NSDHL: variants seen among roughly 807,000 people sequenced by gnomAD.
NSDHL encodes sterol-4-alpha-carboxylate 3-dehydrogenase, decarboxylating.
A neutral mutation model predicts 23.0 loss-of-function variants in NSDHL; 1 was observed. That is an observed-to-expected ratio of 0.04 (90% CI 0.02 to 0.21). NSDHL has a LOEUF of 0.21. Among genes scored for constraint, NSDHL ranks in the 10% least tolerant of loss-of-function variants. NSDHL has a pLI of 1.00. For missense variants in NSDHL, 237 were observed against 300.9 expected (o/e 0.79, Z 1.57); for synonymous variants, 128 against 121.1 (o/e 1.06, Z -0.37).
chrX:152,868,805 G>A lies in NSDHL; in HGVS notation c.811G>A (p.Glu271Lys), dbSNP rs1556848441. 1 of 1,210,900 alleles carries A rather than the reference G, an allele frequency of 8.3e-7. No homozygotes were observed. The highest frequency in any genetic ancestry group is 1.1e-6 in the Non-Finnish European group (1 of 894,962). The stretch of plus-strand genomic sequence containing the variant: ...CCAGGCATTTCACATCACCAATGAT[G>A]AGCCCATCCCTTTCTGGACATTCCT... The part of the protein sequence containing the change: ...GGKAFHITND[E>K]PIPFWTFLSR... Residue 271 changes from glutamate to lysine, a missense_variant, in exon 8 of 8, where the codon GAG (glutamate) becomes AAG (lysine). Coordinates refer to ENST00000370274, the MANE Select transcript of NSDHL (RefSeq NM_015922.3).
chrX:152,851,427 G>A lies in NSDHL; in HGVS notation c.267+1004G>A, dbSNP rs1556846283. ...GCTTCCTTGTTGATCTAGTTGGGATGCCAATCCTGTGCCCGTTGTACTTAT... is the reference window on the plus strand; with the variant it reads ...GCTTCCTTGTTGATCTAGTTGGGATACCAATCCTGTGCCCGTTGTACTTAT... On this transcript the variant is annotated intron_variant, in intron 3 of 7. Transcript: ENST00000370274. Among the ~76,000 whole-genome samples, 5 of 111,628 alleles carry A rather than the reference G, an allele frequency of 4.5e-5. No individual in the cohort carries two copies. In the Admixed American group the frequency reaches 4.8e-4, roughly 11 times the overall value.
At chrX:152,855,018 G>A (rs1236145369) in intron 3 of NSDHL, among the ~76,000 whole-genome samples, 4 of 97,974 alleles carry the variant, frequency 4.1e-5, no homozygotes, top group African/African-American at 1.2e-4. Flanking sequence ...TTTTTGAGAC[G>A]GAGTCTTGCG....
chrX:152,866,610 G>C (rs1882366855), intron 6 of NSDHL, among the ~76,000 whole-genome samples: 1 of 110,585 alleles, frequency 9.0e-6, no homozygotes, highest in South Asian at 3.9e-4. Context: ...GCTTCTGCTG[G>C]CTTCCAGCCA....
At chrX:152,864,352 A>G (rs1247237525) in intron 5 of NSDHL, among the ~76,000 whole-genome samples, 2 of 112,239 alleles carry the variant, frequency 1.8e-5, no homozygotes, top group African/African-American at 6.5e-5. Flanking sequence ...TCCTTGGAGC[A>G]CTCATGTGCT....
At chrX:152,858,746 T>C (rs1297001346) in intron 3 of NSDHL, 24 bp from the exon 4 acceptor site, 1 of 1,204,064 alleles carries the variant, frequency 8.3e-7, no homozygotes, top group East Asian at 3.0e-5. Flanking sequence ...GGAATGATTA[T>C]TTTGTCTTTC....
intron 5 of NSDHL, among the ~76,000 whole-genome samples, chrX:152,865,538 A>G (rs1462004470): frequency 8.9e-6 from 1 of 112,846 alleles, no homozygotes; most frequent in East Asian, 2.8e-4. Context: ...AACGCAAACC[A>G]GGGCCTTCTG....
At chrX:152,841,718 G>C (rs1280815049) in intron 1 of NSDHL, among the ~76,000 whole-genome samples, 1 of 112,506 alleles carries the variant, frequency 8.9e-6, no homozygotes, top group East Asian at 2.8e-4. Flanking sequence ...CAATCCACCA[G>C]CCCCTAAAAC....
chrX:152,850,627 G>C (rs1556846153), intron 3 of NSDHL, among the ~76,000 whole-genome samples: 1 of 112,414 alleles, frequency 8.9e-6, no homozygotes, highest in African/African-American at 3.2e-5. Flanking sequence ...GCTGTGTCCT[G>C]GTAGCACAAA....
chrX:152,868,831 G>A lies in NSDHL; in HGVS notation c.837G>A (p.Leu279=). 1 of 1,211,519 alleles carries A rather than the reference G, an allele frequency of 8.3e-7. No homozygotes were observed. Among genetic ancestry groups the A allele is most frequent in the Non-Finnish European group, 1.1e-6 (1 of 895,310 alleles). ...NDEPIPFWTF[L]SRILTGLNYE... Reference sequence around the variant, plus strand: ...AGCCCATCCCTTTCTGGACATTCCTGTCTCGCATCCTGACAGGCCTCAATT... The same window carrying A: ...AGCCCATCCCTTTCTGGACATTCCTATCTCGCATCCTGACAGGCCTCAATT... Residue 279 remains leucine (L), a synonymous_variant, in exon 8 of 8, where the codon CTG becomes CTA. Coordinates refer to ENST00000370274, the MANE Select transcript of NSDHL (RefSeq NM_015922.3).
At chrX:152,839,508 T>A (rs1331537709) in intron 1 of NSDHL, among the ~76,000 whole-genome samples, 1 of 112,197 alleles carries the variant, frequency 8.9e-6, no homozygotes, top group African/African-American at 3.2e-5. Flanking sequence ...TGACAAAATC[T>A]CCCAGCATTT....
intron 7 of NSDHL, 49 bp from the exon 8 acceptor site, chrX:152,868,735 G>A (rs1556848429): frequency 1.9e-6 from 2 of 1,066,332 alleles, no homozygotes; most frequent in Non-Finnish European, 1.3e-6. Flanking sequence ...TTCAACTTTG[G>A]GCAGGTGGGG....
In NSDHL at chrX:152,850,433, C is replaced by G. The variant is rs782696436; in HGVS notation, c.267+10C>G. ...CCTCTGCAGCCGACAGGTAATGGAC[C>G]ATGCAGCCTTGCTGATTTCCCACGA... On this transcript the variant is annotated intron_variant, in intron 3 of 7. Transcript: ENST00000370274. The G allele has an allele frequency of 2.6e-5, 31 of 1,208,682 alleles. No individual in the cohort carries two copies. The highest frequency in any genetic ancestry group is 3.2e-5 in the Non-Finnish European group (29 of 892,456).
chrX:152,845,033 A>G (rs1488399989), intron 1 of NSDHL, among the ~76,000 whole-genome samples: 1 of 112,110 alleles, frequency 8.9e-6, no homozygotes, highest in Non-Finnish European at 1.9e-5. Flanking sequence ...GATTGACTTC[A>G]ATGCATTCTA....
rs1602938880 is a variant in NSDHL at position 152,860,639 on chromosome X, A to G, written c.414+1723A>G. ...TGAGGCAGGAGGATCGCTTGAGCCC[A>G]GGATTTTCAGGCTGCAGTGAGCTGT... On this transcript the variant is annotated intron_variant, in intron 4 of 7. Coordinates refer to ENST00000370274, the MANE Select transcript of NSDHL (RefSeq NM_015922.3). 2.7e-5 allele frequency among the ~76,000 whole-genome samples: 3 copies of G among 111,076 alleles called. No homozygotes were observed. The Admixed American group carries it at 2.9e-4, about 11-fold the overall frequency.
intron 1 of NSDHL, among the ~76,000 whole-genome samples, chrX:152,834,063 T>G (rs1933055211): frequency 8.9e-6 from 1 of 112,447 alleles, no homozygotes; most frequent in South Asian, 3.7e-4. Flanking sequence ...GATAATTCAC[T>G]CAAACCCATC....
At chrX:152,867,501 C>G (rs1933625534) in intron 6 of NSDHL, 70 bp from the exon 7 acceptor site, 4 of 799,018 alleles carry the variant, frequency 5.0e-6, no homozygotes, top group Non-Finnish European at 7.7e-6. Flanking sequence ...AATGCCAAGA[C>G]TTGGGAGTGG....
intron 3 of NSDHL, among the ~76,000 whole-genome samples, chrX:152,854,412 A>ATTTTAT (rs1453747234): frequency 2.8e-5 from 3 of 109,077 alleles, no homozygotes; most frequent in Non-Finnish European, 3.8e-5. Flanking sequence ...ATTTTATTTT[A>ATTTTAT]TTTTATTTTT....
chrX:152,869,350 ATTTGTTCTCTGTC>A lies in NSDHL; in HGVS notation c.*238_*250del, dbSNP rs1196726435. 14 of 432,538 alleles carry A rather than the reference ATTTGTTCTCTGTC, an allele frequency of 3.2e-5. No individual in the cohort carries two copies. The highest frequency in any genetic ancestry group is 5.8e-5 in the Non-Finnish European group (14 of 243,307). The allele number at this position is 432,538 out of a possible 1,213,427, so 35.6% of individuals were successfully genotyped here. A position where few individuals can be genotyped will look rare whatever the true frequency, so the allele number is the denominator to read the frequency against. On this transcript the variant is annotated 3_prime_UTR_variant, in exon 8 of 8. Coordinates refer to ENST00000370274, the MANE Select transcript of NSDHL (RefSeq NM_015922.3). Reference sequence around the variant, plus strand: ...AAGCAGGCAGCTTCATATTATACCGATTTGTTCTCTGTCTTTTTGTGTCTCTCTGTTTACCCCC... The same window carrying A: ...AAGCAGGCAGCTTCATATTATACCGATTTTTGTGTCTCTCTGTTTACCCCC...
At chrX:152,841,317 T>C (rs1933188823) in intron 1 of NSDHL, among the ~76,000 whole-genome samples, 2 of 112,927 alleles carry the variant, frequency 1.8e-5, no homozygotes, top group African/African-American at 6.4e-5. Flanking sequence ...CTGCACCCAC[T>C]GTCCAACCAG....
Sources: gnomAD v4.1 joint callset for allele counts (sites outside exome capture counted in the v4.1 genomes callset) on GRCh38, gnomAD v4.1.1 for gene constraint, MANE v1.5 for transcripts, NCBI Gene and HGNC (gene_info 2026-07-23, HGNC 2026-07-21) for gene names.